Variants in TIAM1 observed in about 807,000 individuals in gnomAD.
The protein encoded by TIAM1 is TIAM Rac1 associated GEF 1.
In TIAM1, 65 loss-of-function variants were observed where a neutral mutation model predicts 163.5. The ratio of observed to expected loss-of-function variants is 0.40; its 90% CI spans 0.33 to 0.49. The LOEUF is 0.49. Ranked by LOEUF, TIAM1 falls within the 20% of genes least tolerant of loss-of-function variation. The probability of loss-of-function intolerance (pLI) is 0.77; values close to 1 mark genes in which losing one functional copy is unlikely to be tolerated. For synonymous variants in TIAM1, 833 were observed against 810.1 expected, an observed-to-expected ratio of 1.03 and a Z score of -0.48; for missense variants, 1,789 against 2,044.7, an observed-to-expected ratio of 0.87 and a Z score of 2.41.
At chr21:31,139,088 G>T (rs2146265918) in intron 22 of TIAM1, among the ~76,000 whole-genome samples, 1 of 152,230 alleles carries the variant, frequency 6.6e-6, no homozygotes, top group East Asian at 1.9e-4. Flanking sequence ...TTACATATCA[G>T]AATTTCATTT....
intron 2 of TIAM1, among the ~76,000 whole-genome samples, chr21:31,451,689 G>C (rs912758103): frequency 1.6e-4 from 24 of 149,752 alleles, no homozygotes; most frequent in African/African-American, 5.6e-4. Flanking sequence ...CCAACACCAG[G>C]CACCAGGCTG....
At position 31,136,054 on chromosome 21, in the gene TIAM1, G is replaced by A; in HGVS notation, c.3775-13C>T. 6.2e-7 allele frequency: 1 copy of A among 1,609,330 alleles called. No homozygotes were observed. Among genetic ancestry groups the A allele is most frequent in the Non-Finnish European group, 8.5e-7 (1 of 1,176,108 alleles). The stretch of plus-strand genomic sequence containing the variant: ...TCAGATCTGCAACCTGAAAGCCAGA[G>A]ACGTGACAAAGCTTACTGGGTGGTG... On this transcript the variant is annotated splice_polypyrimidine_tract_variant and intron_variant, in intron 22 of 27. Transcript: ENST00000541036.
chr21:31,431,569 T>A (rs2044029078), intron 2 of TIAM1, among the ~76,000 whole-genome samples: 1 of 152,226 alleles, frequency 6.6e-6, no homozygotes, highest in African/African-American at 2.4e-5. Flanking sequence ...TCAGAAATCA[T>A]TTTATTTATT....
intron 2 of TIAM1, among the ~76,000 whole-genome samples, chr21:31,282,632 T>A (rs2073619966): frequency 6.6e-6 from 1 of 152,216 alleles, no homozygotes; most frequent in African/African-American, 2.4e-5. Flanking sequence ...TAAGGATTCA[T>A]GCACAAAGCT....
Position 31,216,375 on chromosome 21 carries a change from T to C in TIAM1, c.2142+1178A>G, listed in dbSNP as rs143142711. ...ACTTTTCACAAGGGCATGCGGTGAA[T>C]AGGTCAAACTAGCAGTCTTAGTCAT... On this transcript the variant is annotated intron_variant, in intron 9 of 27. Transcript: ENST00000541036. 8.7e-3 allele frequency among the ~76,000 whole-genome samples: 1,325 copies of C among 152,222 alleles called. 15 individuals are homozygous for C. The highest frequency in any genetic ancestry group is 0.03 in the African/African-American group (1,254 of 41,526).
chr21:31,281,085 C>CAAAA (rs748020575), intron 2 of TIAM1, among the ~76,000 whole-genome samples: 166 of 63,010 alleles, frequency 2.6e-3, no homozygotes, highest in East Asian at 3.9e-3. Flanking sequence ...GACCCTAACT[C>CAAAA]AAAAAAAAAA....
intron 1 of TIAM1, among the ~76,000 whole-genome samples, chr21:31,476,286 C>T (rs1157924400): frequency 1.3e-5 from 2 of 152,206 alleles, no homozygotes; most frequent in Non-Finnish European, 2.9e-5. Flanking sequence ...GCTTTACTGC[C>T]ATTTTCACGA....
intron 1 of TIAM1, among the ~76,000 whole-genome samples, chr21:31,512,284 A>T (rs1392588100): frequency 2.0e-5 from 3 of 151,466 alleles, no homozygotes; most frequent in Admixed American, 2.0e-4. Flanking sequence ...CTTTTTGTAG[A>T]GGTGGGGCCT....
chr21:31,550,543 T>C (rs1486078168), intron 1 of TIAM1, among the ~76,000 whole-genome samples: 2 of 152,130 alleles, frequency 1.3e-5, no homozygotes. Flanking sequence ...GTGATGAAAG[T>C]GTCCTAAAAT....
intron 1 of TIAM1, among the ~76,000 whole-genome samples, chr21:31,342,208 G>A (rs529013793): frequency 6.6e-6 from 1 of 152,088 alleles, no homozygotes; most frequent in Non-Finnish European, 1.5e-5. Flanking sequence ...TATACAGGAG[G>A]TTGGGGCGGG....
chr21:31,456,027 A>C (rs2147337976), intron 2 of TIAM1, among the ~76,000 whole-genome samples: 1 of 152,264 alleles, frequency 6.6e-6, no homozygotes, highest in East Asian at 1.9e-4. Context: ...GGCTATCTTG[A>C]GATTACACAG....
At chr21:31,403,399 G>A (rs2077198059) in intron 2 of TIAM1, among the ~76,000 whole-genome samples, 1 of 152,142 alleles carries the variant, frequency 6.6e-6, no homozygotes. Context: ...CGCCCGCCTA[G>A]GCCTCCCAAA....
chr21:31,288,335 A>G (rs1244745962), intron 2 of TIAM1, among the ~76,000 whole-genome samples: 1 of 152,196 alleles, frequency 6.6e-6, no homozygotes, highest in African/African-American at 2.4e-5. Flanking sequence ...TTTATAAACA[A>G]CAGAAATTTC....
rs1008493648 is a variant in TIAM1, at chr21:31,344,222, C to G, written c.-453G>C. ...AGTAACAGAAATGAGGAAGCAGCAG[C>G]CTTCCCCGGCTGCTGGCGGAGGCAG... is the stretch of plus-strand genomic sequence containing the variant. On this transcript the variant is annotated 5_prime_UTR_variant, in exon 1 of 28. Coordinates refer to ENST00000541036, the MANE Select transcript of TIAM1 (RefSeq NM_001353694.2). 2 of 152,328 alleles carry G rather than the reference C, an allele frequency of 1.3e-5. No individual in the cohort carries two copies. Among genetic ancestry groups the G allele is most frequent in the Non-Finnish European group, 2.9e-5 (2 of 68,084 alleles). The allele number at this position is 152,328 out of a possible 1,614,324, so 9.4% of individuals were successfully genotyped here. A position where few individuals can be genotyped will look rare whatever the true frequency, so the allele number is the denominator to read the frequency against.
At chr21:31,279,189 G>A (rs1055538471) in intron 2 of TIAM1, among the ~76,000 whole-genome samples, 2 of 151,962 alleles carry the variant, frequency 1.3e-5, no homozygotes, top group African/African-American at 4.8e-5. Context: ...TGAAAAACAC[G>A]AAGGAAAGCA....
At chr21:31,450,595 G>C (rs1211608249) in intron 2 of TIAM1, among the ~76,000 whole-genome samples, 1 of 152,142 alleles carries the variant, frequency 6.6e-6, no homozygotes, top group Non-Finnish European at 1.5e-5. Flanking sequence ...TTCCCTCCTT[G>C]AGAGTTGTGT....
At chr21:31,369,940 G>A (rs977083157) in intron 2 of TIAM1, among the ~76,000 whole-genome samples, 7 of 152,228 alleles carry the variant, frequency 4.6e-5, no homozygotes, top group Non-Finnish European at 8.8e-5. Flanking sequence ...AGCCAAGATC[G>A]CGCCACTGCA....
Position 31,395,532 on chromosome 21 carries a change from A to G in TIAM1, c.-368-56110T>C, listed in dbSNP as rs908845844. ...CAGATACGCCACAGAGGCGAAGAGAAGGGCCAACCCTGCATTTTCTGCCAC... is the reference window on the plus strand; with the variant it reads ...CAGATACGCCACAGAGGCGAAGAGAGGGGCCAACCCTGCATTTTCTGCCAC... On this transcript the variant is annotated intron_variant, in intron 2 of 28. Transcript: ENST00000286827. This position sits in a 1 kb window ranked among gnomAD's most constrained non-coding sequence, Gnocchi z 7.5. Among the ~76,000 whole-genome samples, 1 of 152,192 alleles carries G rather than the reference A, an allele frequency of 6.6e-6. No homozygotes were observed. Among genetic ancestry groups the G allele is most frequent in the Non-Finnish European group, 1.5e-5 (1 of 68,040 alleles).
intron 1 of TIAM1, among the ~76,000 whole-genome samples, chr21:31,551,303 G>A (rs1195889555): frequency 6.6e-6 from 1 of 152,054 alleles, no homozygotes; most frequent in African/African-American, 2.4e-5. Flanking sequence ...AGCTACTTGG[G>A]AGGTTGAGAC....
Sources: allele counts gnomAD v4.1 joint callset (sites outside exome capture counted in the v4.1 genomes callset), GRCh38; gene constraint gnomAD v4.1.1; non-coding constraint Gnocchi (gnomAD v3.1); transcripts MANE v1.5; gene names NCBI Gene and HGNC (gene_info 2026-07-23, HGNC 2026-07-21).